ADARB2: variants seen among roughly 807,000 people sequenced by gnomAD.
ADARB2 encodes inactive double-stranded RNA-specific editase B2.
A neutral mutation model predicts 62.2 loss-of-function variants in ADARB2; 25 were observed. The ratio of observed to expected loss-of-function variants is 0.40; its 90% CI spans 0.29 to 0.56. The LOEUF (loss-of-function observed/expected upper bound fraction) is 0.56. Ranked by LOEUF, ADARB2 falls within the 20% of genes least tolerant of loss-of-function variation. The probability of loss-of-function intolerance (pLI) is 0.43; values close to 1 mark genes in which losing one functional copy is unlikely to be tolerated. For missense variants in ADARB2, 1,071 were observed against 1,077.4 expected, an observed-to-expected ratio of 0.99 and a Z score of 0.08; for synonymous variants, 572 against 500.8, an observed-to-expected ratio of 1.14 and a Z score of -1.90.
At chr10:1,581,786 C>G (rs573695994) in intron 1 of ADARB2, among the ~76,000 whole-genome samples, 56 of 151,628 alleles carry the variant, frequency 3.7e-4, no homozygotes, top group African/African-American at 1.3e-3. Flanking sequence ...GAGAGAGACA[C>G]AGATGCACCC....
intron 3 of ADARB2, among the ~76,000 whole-genome samples, chr10:1,357,208 G>A (rs1343224430): frequency 3.3e-5 from 5 of 152,212 alleles, no homozygotes; most frequent in African/African-American, 1.2e-4. Flanking sequence ...TTCACAAAGT[G>A]AGTGAGACTG....
chr10:1,697,807 G>C (rs1414660315), intron 1 of ADARB2, among the ~76,000 whole-genome samples: 1 of 152,144 alleles, frequency 6.6e-6, no homozygotes, highest in Non-Finnish European at 1.5e-5. Context: ...AGTGGATCCT[G>C]TCATCCCCCA....
rs558758788 is a variant in ADARB2, at chr10:1,223,625, A to C, written c.1514-6506T>G. 2.0e-5 allele frequency among the ~76,000 whole-genome samples: 3 copies of C among 152,280 alleles called. No individual in the cohort carries two copies. The South Asian group carries it at 6.2e-4, about 32-fold the overall frequency. On this transcript the variant is annotated intron_variant, in intron 6 of 9. Coordinates refer to ENST00000381312, the MANE Select transcript of ADARB2 (RefSeq NM_018702.4). ...AATACCTAATTTATTGAGAGTTTTT[A>C]CCATGAAGGGTTGTTGAATTTTGTC...
intron 1 of ADARB2, among the ~76,000 whole-genome samples, chr10:1,404,293 C>T (rs1231008045): frequency 3.9e-5 from 6 of 152,208 alleles, no homozygotes; most frequent in South Asian, 2.1e-4. Context: ...CGGGGGACCT[C>T]GGGAGATGCC....
Position 1,405,068 on chromosome 10 carries a change from C to T in ADARB2, c.101-25908G>A, listed in dbSNP as rs376301169. Among the ~76,000 whole-genome samples the T allele has an allele frequency of 3.2e-4, 48 of 152,290 alleles. No homozygotes were observed. In the East Asian group the frequency reaches 6.8e-3, roughly 21 times the overall value. ...GAAACTGCTCCCAGCTCCGAGGGCT[C>T]CCAGAGCCTGTGGGGTCATGCGGGG... On this transcript the variant is annotated intron_variant, in intron 1 of 9. Coordinates refer to ENST00000381312, the MANE Select transcript of ADARB2 (RefSeq NM_018702.4).
intron 1 of ADARB2, among the ~76,000 whole-genome samples, chr10:1,717,391 T>C (rs1834545311): frequency 6.6e-6 from 1 of 151,674 alleles, no homozygotes; most frequent in East Asian, 2.0e-4. Context: ...TGAACCTCCC[T>C]CTGCACCCAC....
chr10:1,360,859 T>A (rs1402597684), intron 3 of ADARB2: 2 of 152,688 alleles, frequency 1.3e-5, no homozygotes, highest in African/African-American at 4.8e-5. Flanking sequence ...AAAGTAGTAG[T>A]GCTGCCTGGT....
intron 1 of ADARB2, among the ~76,000 whole-genome samples, chr10:1,661,290 T>C (rs1834244414): frequency 6.6e-6 from 1 of 152,204 alleles, no homozygotes; most frequent in Non-Finnish European, 1.5e-5. Flanking sequence ...ATTGGGTACA[T>C]TCCCAGTGGT....
At chr10:1,703,788 A>G (rs796382612) in intron 1 of ADARB2, among the ~76,000 whole-genome samples, 1 of 152,214 alleles carries the variant, frequency 6.6e-6, no homozygotes, top group African/African-American at 2.4e-5. Context: ...TTTTGAAAGT[A>G]GCATTTGGCC....
intron 6 of ADARB2, among the ~76,000 whole-genome samples, chr10:1,220,285 ATGG>A (rs1316243887): frequency 9.5e-5 from 10 of 104,942 alleles, no homozygotes; most frequent in African/African-American, 1.5e-4. Context: ...GGTAATGGTG[ATGG>A]TGGTGGTGAT....
chr10:1,665,370 G>A (rs1244739437), intron 1 of ADARB2, among the ~76,000 whole-genome samples: 1 of 152,256 alleles, frequency 6.6e-6, no homozygotes, highest in East Asian at 1.9e-4. Context: ...CACAGAAACA[G>A]AGGACGCACC....
intron 8 of ADARB2, chr10:1,186,520 C>T (rs779612676): frequency 1.9e-6 from 1 of 519,082 alleles, no homozygotes; most frequent in East Asian, 5.4e-5. Context: ...GTTCCCCAAG[C>T]CCAGCTGGCC....
At chr10:1,580,934 T>C (rs1335903921) in intron 1 of ADARB2, among the ~76,000 whole-genome samples, 2 of 152,252 alleles carry the variant, frequency 1.3e-5, no homozygotes, top group Admixed American at 1.3e-4. Flanking sequence ...TGCTGAATCA[T>C]GCACCATCGT....
intron 1 of ADARB2, among the ~76,000 whole-genome samples, chr10:1,589,341 C>T (rs1235620290): frequency 2.6e-5 from 4 of 151,514 alleles, no homozygotes; most frequent in Middle Eastern, 3.2e-3. Context: ...GGGGCATCCA[C>T]GATCAGGGCA....
Position 1,183,271 on chromosome 10 carries a change from G to C in ADARB2, c.2142C>G (p.Phe714Leu). The C allele has an allele frequency of 6.2e-7, 1 of 1,614,172 alleles. No individual in the cohort carries two copies. Among genetic ancestry groups the C allele is most frequent in the Non-Finnish European group, 8.5e-7 (1 of 1,180,038 alleles). ...CCAGGCCAGCCTTCTGAAAGGCCTT[G>C]AACAGCTGCTGTTTCACAGACTGGT... is the stretch of plus-strand genomic sequence containing the variant. ...HTYQSVKQQL[F>L]KAFQKAGLGT... Residue 714 changes from phenylalanine to leucine, a missense_variant, in exon 10 of 10, where the codon TTC becomes TTG. Phe to Leu is a conservative substitution (Grantham distance 22). Coordinates refer to ENST00000381312, the MANE Select transcript of ADARB2 (RefSeq NM_018702.4).
intron 1 of ADARB2, among the ~76,000 whole-genome samples, chr10:1,494,242 T>C (rs960847593): frequency 1.3e-5 from 2 of 152,216 alleles, no homozygotes; most frequent in African/African-American, 4.8e-5. Flanking sequence ...TTTAAAATTA[T>C]GAAGGAATGA....
At chr10:1,288,306 C>T (rs960304899) in intron 3 of ADARB2, among the ~76,000 whole-genome samples, 1 of 152,244 alleles carries the variant, frequency 6.6e-6, no homozygotes, top group Non-Finnish European at 1.5e-5. Flanking sequence ...ATAAAGCAGC[C>T]TAGAATACGA....
intron 6 of ADARB2, among the ~76,000 whole-genome samples, chr10:1,219,104 G>A (rs1402499984): frequency 6.7e-6 from 1 of 149,978 alleles, no homozygotes; most frequent in African/African-American, 2.5e-5. Context: ...TCTCACTCCT[G>A]CTCTGGCCAT....
intron 3 of ADARB2, among the ~76,000 whole-genome samples, chr10:1,293,799 G>T (rs1589181732): frequency 6.6e-6 from 1 of 152,146 alleles, no homozygotes; most frequent in East Asian, 1.9e-4. Context: ...TTCCCTCTCA[G>T]ATGTGATAAA....
Sources: allele counts gnomAD v4.1 joint callset (sites outside exome capture counted in the v4.1 genomes callset), GRCh38; gene constraint gnomAD v4.1.1; transcripts MANE v1.5; gene names NCBI Gene and HGNC (gene_info 2026-07-23, HGNC 2026-07-21).